Variants in SREK1 observed in about 807,000 individuals in gnomAD.
SREK1 encodes the protein splicing regulatory glutamic acid and lysine rich protein 1.
A neutral mutation model predicts 66.5 loss-of-function variants in SREK1; 13 were observed. The ratio of observed to expected loss-of-function variants is 0.20; its 90% CI spans 0.13 to 0.31. The LOEUF (loss-of-function observed/expected upper bound fraction) is 0.31. Ranked by LOEUF, SREK1 falls within the 10% of genes least tolerant of loss-of-function variation. SREK1 has a pLI of 1.00. For missense variants in SREK1, 607 were observed against 769.6 expected, an observed-to-expected ratio of 0.79 and a Z score of 2.50; for synonymous variants, 265 against 263.5, an observed-to-expected ratio of 1.01 and a Z score of -0.05.
chr5:66,144,676 A>G, intron 1 of SREK1, 139 bp downstream of exon 1: 5 of 1,382,880 alleles, frequency 3.6e-6, no homozygotes, highest in Non-Finnish European at 3.8e-6. Flanking sequence ...CCCATATTTG[A>G]TTAGGGCACC....
At chr5:66,164,619 TCAA>T (rs910751348) in intron 6 of SREK1, 161 bp from the exon 7 acceptor site, 9 of 1,539,986 alleles carry the variant, frequency 5.8e-6, no homozygotes, top group Non-Finnish European at 7.8e-6. Context: ...GTGGCTGCAC[TCAA>T]CGAGTTTATG....
At chr5:66,169,604 G>A (rs868638927) in intron 7 of SREK1, 1 of 152,298 alleles carries the variant, frequency 6.6e-6, no homozygotes, top group Middle Eastern at 3.4e-3. Context: ...TATGAGTAAT[G>A]ATTTTTATTT....
Position 66,157,444 on chromosome 5 carries a change from C to T in SREK1, c.296-1775C>T, listed in dbSNP as rs139641419. The T allele has an allele frequency of 1.1e-4, 109 of 985,050 alleles. 1 individual carries two copies. Among genetic ancestry groups the T allele is most frequent in the Middle Eastern group, 5.2e-4 (1 of 1,912 alleles). 61.0% of individuals were successfully genotyped at this position (985,050 alleles called of 1,614,324 possible). On this transcript the variant is annotated intron_variant, in intron 2 of 11. Transcript: ENST00000334121. The stretch of plus-strand genomic sequence containing the variant: ...TTAGGTGCATACATTAAGGTAGTGA[C>T]GATGGAGTTTCTGCCTCAAAACCTC...
intron 9 of SREK1, among the ~76,000 whole-genome samples, chr5:66,172,565 T>C (rs957074725): frequency 2.0e-5 from 3 of 152,022 alleles, no homozygotes; most frequent in African/African-American, 7.2e-5. Context: ...CTGGCTAATT[T>C]TTGTATTTTT....
chr5:66,175,249 G>A (rs537877352), intron 10 of SREK1, among the ~76,000 whole-genome samples: 2 of 152,044 alleles, frequency 1.3e-5, no homozygotes, highest in East Asian at 1.9e-4. Context: ...TAATGACTTC[G>A]TGAGGTTTTT....
At chr5:66,156,496 A>C (rs1234988482) in intron 2 of SREK1, 39 of 996,796 alleles carry the variant, frequency 3.9e-5, no homozygotes, top group Non-Finnish European at 4.7e-5. Flanking sequence ...ATGGACTCAT[A>C]AGGTACATTT....
intron 8 of SREK1, among the ~76,000 whole-genome samples, 168 bp from the exon 9 acceptor site, chr5:66,170,417 A>G (rs1387727109): frequency 6.6e-6 from 1 of 152,190 alleles, no homozygotes; most frequent in African/African-American, 2.4e-5. Flanking sequence ...TAGTATGAAT[A>G]GCTTTGTTTA....
At chr5:66,173,310 A>T (rs1252551472) in intron 9 of SREK1, among the ~76,000 whole-genome samples, 1 of 152,180 alleles carries the variant, frequency 6.6e-6, no homozygotes, top group African/African-American at 2.4e-5. Context: ...TTAATGCTTA[A>T]ATTTACTGTC....
intron 5 of SREK1, 145 bp from the exon 6 acceptor site, chr5:66,163,647 A>C (rs1446279323): frequency 5.8e-6 from 4 of 692,786 alleles, no homozygotes; most frequent in Non-Finnish European, 8.7e-6. Flanking sequence ...CATGGTTTTG[A>C]GGTTGCTTTT....
At chr5:66,164,293 A>G (rs1266740665) in intron 6 of SREK1, 1 of 269,476 alleles carries the variant, frequency 3.7e-6, no homozygotes, top group East Asian at 1.0e-4. Flanking sequence ...AGAAGTAGAG[A>G]AGAGAGCCCG....
chr5:66,157,559 T>C, intron 2 of SREK1: 2 of 976,012 alleles, frequency 2.0e-6, no homozygotes, highest in South Asian at 4.7e-5. Context: ...ATAAATAGTA[T>C]AGTGTATATG....
At chr5:66,164,389 A>T (rs1745003404) in intron 6 of SREK1, 3 of 347,292 alleles carry the variant, frequency 8.6e-6, no homozygotes, top group South Asian at 2.6e-5. Context: ...GAAAATAATT[A>T]AAAAACCCAT....
chr5:66,159,050 A>G, intron 2 of SREK1, 169 bp from the exon 3 acceptor site: 1 of 1,422,152 alleles, frequency 7.0e-7, no homozygotes, highest in South Asian at 1.5e-5. Flanking sequence ...TTCCTAGTAG[A>G]GCAGGATAAA....
intron 2 of SREK1, among the ~76,000 whole-genome samples, chr5:66,155,645 A>G (rs1744221318): frequency 6.6e-6 from 1 of 152,256 alleles, no homozygotes; most frequent in South Asian, 2.1e-4. Context: ...TTGAACAAAC[A>G]GCATCATGAC....
rs906896710 is a variant in SREK1 at position 66,170,915 on chromosome 5, C to T, written c.1452C>T (p.Tyr484=). Residue 484 remains tyrosine, a synonymous_variant, in exon 9 of 12, where the codon TAC becomes TAT. Coordinates refer to ENST00000334121, the MANE Select transcript of SREK1 (RefSeq NM_001077199.3). ...AATCCAGAACACCACCCAGGAGTTACAATGCATCGCGAAGATCTCGTAGTT... is the reference window on the plus strand; with the variant it reads ...AATCCAGAACACCACCCAGGAGTTATAATGCATCGCGAAGATCTCGTAGTT... ...DKKSRTPPRS[Y]NASRRSRSSS... 13 of 1,609,096 alleles carry T rather than the reference C, an allele frequency of 8.1e-6. No individual in the cohort carries two copies. Among genetic ancestry groups the T allele is most frequent in the African/African-American group, 2.7e-5 (2 of 74,252 alleles).
chr5:66,153,642 C>A, intron 2 of SREK1, 46 bp downstream of exon 2: 1 of 1,612,158 alleles, frequency 6.2e-7, no homozygotes, highest in South Asian at 1.1e-5. Flanking sequence ...TCTGTCCTGT[C>A]TGTTATTGCC....
At chr5:66,163,588 T>G in intron 5 of SREK1, 1 of 394,832 alleles carries the variant, frequency 2.5e-6, no homozygotes, top group Non-Finnish European at 4.4e-6. Flanking sequence ...TCTCCCTGCT[T>G]TTGGTTGTAT....
In SREK1 at chr5:66,153,574, G is replaced by A. The variant is rs766585242; in HGVS notation, c.273G>A (p.Leu91=). The change falls in exon 2 of 12, where the codon CTG becomes CTA. Residue 91 remains leucine, a synonymous_variant. Coordinates refer to ENST00000334121, the MANE Select transcript of SREK1 (RefSeq NM_001077199.3). ...ACACGGTTTTTATTGACAGAGCTCTGATAGTTGTTCCTTGTGCAGAAGGTT... is the reference window on the plus strand; with the variant it reads ...ACACGGTTTTTATTGACAGAGCTCTAATAGTTGTTCCTTGTGCAGAAGGTT... ...LTNTVFIDRA[L]IVVPCAEGKI... is the part of the protein sequence containing the mutation. The A allele has an allele frequency of 2.7e-5, 43 of 1,614,022 alleles. No homozygotes were observed. The highest frequency in any genetic ancestry group is 3.4e-5 in the Non-Finnish European group (40 of 1,179,944).
chr5:66,175,863 T>G (rs995508164), intron 10 of SREK1, among the ~76,000 whole-genome samples: 1 of 152,192 alleles, frequency 6.6e-6, no homozygotes, highest in South Asian at 2.1e-4. Flanking sequence ...GTGATGTGAT[T>G]ATAAATAACA....
Sources: allele counts gnomAD v4.1 joint callset (sites outside exome capture counted in the v4.1 genomes callset), GRCh38; gene constraint gnomAD v4.1.1; transcripts MANE v1.5; gene names NCBI Gene and HGNC (gene_info 2026-07-23, HGNC 2026-07-21).